The following CPB2 variants were observed in gnomAD, a reference collection of about 807,000 sequenced individuals.
The protein encoded by CPB2 is carboxypeptidase B2, also known as carboxypeptidase B-like protein.
CPB2 carries 54 observed loss-of-function variants against 57.0 expected under a neutral mutation model. The ratio of observed to expected loss-of-function variants is 0.95; its 90% CI spans 0.76 to 1.19. The LOEUF (loss-of-function observed/expected upper bound fraction) is 1.19, where lower values mean the gene tolerates loss of function less well. CPB2 is among the 50% of genes most tolerant of loss of function. CPB2 has a pLI of 0.00. For missense variants in CPB2, 426 were observed against 512.0 expected, an observed-to-expected ratio of 0.83 and a Z score of 1.62; for synonymous variants, 189 against 178.1, an observed-to-expected ratio of 1.06 and a Z score of -0.49.
intron 3 of CPB2, among the ~76,000 whole-genome samples, chr13:46,083,175 G>A (rs1256610596): frequency 6.6e-6 from 1 of 151,890 alleles, no homozygotes; most frequent in Non-Finnish European, 1.5e-5. Flanking sequence ...ACTAATAAAG[G>A]GTTCTTTACT....
chr13:46,061,562 G>T (rs76495226), intron 8 of CPB2, among the ~76,000 whole-genome samples: 57 of 152,290 alleles, frequency 3.7e-4, no homozygotes, highest in African/African-American at 1.3e-3. Flanking sequence ...GAAAGAGAAG[G>T]CCATGTGAGG....
At chr13:46,057,244 G>A (rs2139343905) in intron 9 of CPB2, among the ~76,000 whole-genome samples, 1 of 152,028 alleles carries the variant, frequency 6.6e-6, no homozygotes, top group Non-Finnish European at 1.5e-5. Flanking sequence ...TTTGAAAGGT[G>A]CTTTCCTTAA....
At chr13:46,065,626 CAAAAAAAAA>C (rs397851865) in intron 7 of CPB2, among the ~76,000 whole-genome samples, 2 of 61,990 alleles carry the variant, frequency 3.2e-5, no homozygotes, top group East Asian at 9.9e-4. Context: ...GACTCCGTCT[CAAAAAAAAA>C]AAAAAAAAAA....
intron 1 of CPB2, among the ~76,000 whole-genome samples, chr13:46,088,852 T>C (rs554737295): frequency 2.6e-5 from 4 of 152,236 alleles, no homozygotes; most frequent in African/African-American, 7.2e-5. Flanking sequence ...TCTAATTTAC[T>C]TGTATTTTTG....
intron 8 of CPB2, among the ~76,000 whole-genome samples, chr13:46,059,516 T>C (rs1001854919): frequency 6.6e-6 from 1 of 152,252 alleles, no homozygotes; most frequent in Non-Finnish European, 1.5e-5. Context: ...ATGAGCTAGT[T>C]CATACAAAGT....
intron 5 of CPB2, among the ~76,000 whole-genome samples, chr13:46,076,946 T>A (rs2045031413): frequency 1.3e-5 from 2 of 152,124 alleles, no homozygotes; most frequent in South Asian, 2.1e-4. Context: ...CAGATTAGAA[T>A]TAAATGTAAT....
intron 4 of CPB2, 37 bp downstream of exon 4, chr13:46,082,404 G>T: frequency 8.1e-7 from 1 of 1,232,948 alleles, no homozygotes; most frequent in Non-Finnish European, 1.2e-6. Context: ...CTGGTTAAAT[G>T]AAAATAGTAG....
At chr13:46,080,249 C>G (rs1265197969) in intron 4 of CPB2, among the ~76,000 whole-genome samples, 1 of 152,170 alleles carries the variant, frequency 6.6e-6, no homozygotes, top group Non-Finnish European at 1.5e-5. Context: ...TTAAGATCTC[C>G]TGGTGTGAGT....
At chr13:46,065,686 G>C (rs886653802) in intron 7 of CPB2, among the ~76,000 whole-genome samples, 1 of 150,622 alleles carries the variant, frequency 6.6e-6, no homozygotes, top group African/African-American at 2.4e-5. Context: ...CTGAGTTTGG[G>C]ATGATGTAGC....
At chr13:46,080,434 G>T (rs938422387) in intron 4 of CPB2, among the ~76,000 whole-genome samples, 1 of 152,170 alleles carries the variant, frequency 6.6e-6, no homozygotes, top group Non-Finnish European at 1.5e-5. Context: ...AGAAGCACAA[G>T]ACATTTTCTA....
In CPB2 at chr13:46,084,919, T is replaced by C. The variant is rs562963667; in HGVS notation, c.151-576A>G. Among the ~76,000 whole-genome samples, 12 of 151,904 alleles carry C rather than the reference T, an allele frequency of 7.9e-5. No homozygotes were observed. The East Asian group carries it at 1.2e-3, about 15-fold the overall frequency. Reference sequence around the variant, plus strand: ...AGGCTGGAGTGCAGTGGCGCGATCTTGGCTCACTGCAAGCTCTGCCTCCCG... The same window carrying C: ...AGGCTGGAGTGCAGTGGCGCGATCTCGGCTCACTGCAAGCTCTGCCTCCCG... On this transcript the variant is annotated intron_variant, in intron 2 of 10. Transcript: ENST00000181383.
intron 8 of CPB2, among the ~76,000 whole-genome samples, chr13:46,062,100 A>G (rs2897027): frequency 0.79 from 117,743 of 149,590 alleles, 46,690 homozygotes; most frequent in African/African-American, 0.87. Flanking sequence ...CTTATGATAC[A>G]TAACAATATA....
intron 1 of CPB2, among the ~76,000 whole-genome samples, chr13:46,093,568 G>A (rs1449928314): frequency 6.6e-6 from 1 of 152,048 alleles, no homozygotes; most frequent in Admixed American, 6.6e-5. Flanking sequence ...TTAACTTGGG[G>A]GCTTTAAATG....
At chr13:46,090,640 G>A (rs1412729946) in intron 1 of CPB2, among the ~76,000 whole-genome samples, 2 of 151,448 alleles carry the variant, frequency 1.3e-5, no homozygotes, top group Non-Finnish European at 2.9e-5. Context: ...GGGATTACAG[G>A]TGTGAGCCAC....
At chr13:46,060,305 A>G (rs2044754039) in intron 8 of CPB2, among the ~76,000 whole-genome samples, 1 of 152,146 alleles carries the variant, frequency 6.6e-6, no homozygotes, top group Non-Finnish European at 1.5e-5. Context: ...TCTACCAAAA[A>G]TACAAAAATA....
At chr13:46,096,785 GA>G (rs902268341) in intron 1 of CPB2, among the ~76,000 whole-genome samples, 17 of 147,270 alleles carry the variant, frequency 1.2e-4, no homozygotes, top group Admixed American at 4.0e-4. Context: ...TCTCAAAAAA[GA>G]AAAAAAAAAG....
intron 8 of CPB2, among the ~76,000 whole-genome samples, chr13:46,061,176 G>T (rs2044767583): frequency 6.6e-6 from 1 of 151,568 alleles, no homozygotes; most frequent in Non-Finnish European, 1.5e-5. Context: ...TGTTAAAATG[G>T]CAAATTTTAT....
chr13:46,062,025 G>GTTT (rs5803326), intron 8 of CPB2, among the ~76,000 whole-genome samples: 1 of 124,486 alleles, frequency 8.0e-6, no homozygotes, highest in Non-Finnish European at 1.7e-5. Flanking sequence ...TTTTTATTTG[G>GTTT]TTTTTTTTTT....
chr13:46,091,297 C>G (rs2045289443), intron 1 of CPB2, among the ~76,000 whole-genome samples: 1 of 152,162 alleles, frequency 6.6e-6, no homozygotes. Context: ...TTTTAATGTA[C>G]TTAATGTACT....
Sources: gnomAD v4.1 joint callset for allele counts (sites outside exome capture counted in the v4.1 genomes callset) on GRCh38, gnomAD v4.1.1 for gene constraint, MANE v1.5 for transcripts, NCBI Gene and HGNC (gene_info 2026-07-23, HGNC 2026-07-21) for gene names.